PDE1C: variants seen among roughly 807,000 people sequenced by gnomAD.
The protein encoded by PDE1C is phosphodiesterase 1C, also known as dual specificity calcium/calmodulin-dependent 3',5'-cyclic nucleotide phosphodiesterase 1C.
Under a neutral mutation model 93.1 loss-of-function variants are expected in PDE1C, and 62 were observed. That is an observed-to-expected ratio of 0.67 (90% CI 0.54 to 0.82). The LOEUF is 0.82. Among genes scored for constraint, PDE1C ranks in the 40% least tolerant of loss-of-function variants. The pLI is 0.00. For missense variants in PDE1C, 742 were observed against 884.6 expected (o/e 0.84, Z 2.04); for synonymous variants, 325 against 310.1 (o/e 1.05, Z -0.50).
intron 2 of PDE1C, among the ~76,000 whole-genome samples, chr7:31,970,611 A>T (rs778564492): frequency 3.3e-5 from 5 of 152,240 alleles, no homozygotes; most frequent in Non-Finnish European, 7.3e-5. Context: ...TTGAGTAAAC[A>T]ACTTGTAAAA....
At chr7:31,755,250 A>G (rs963667838) in intron 17 of PDE1C, among the ~76,000 whole-genome samples, 2 of 152,214 alleles carry the variant, frequency 1.3e-5, no homozygotes, top group Admixed American at 6.5e-5. Context: ...ATCAATATGA[A>G]TTAATATTTA....
chr7:32,166,168 T>G (rs1275826076), intron 3 of PDE1C, among the ~76,000 whole-genome samples: 1 of 152,176 alleles, frequency 6.6e-6, no homozygotes, highest in African/African-American at 2.4e-5. Context: ...AAAATTTTAT[T>G]TGTCAATTAT....
chr7:32,163,484 A>G (rs1584884038), intron 3 of PDE1C, among the ~76,000 whole-genome samples: 1 of 152,216 alleles, frequency 6.6e-6, no homozygotes. Flanking sequence ...TGTTGGCTCA[A>G]TGCGATTCTG....
At chr7:32,274,662 T>C (rs150248300) in intron 1 of PDE1C, among the ~76,000 whole-genome samples, 10 of 152,278 alleles carry the variant, frequency 6.6e-5, no homozygotes, top group African/African-American at 2.4e-4. Flanking sequence ...CTGATGTGTG[T>C]TAGTTACACA....
At chr7:31,944,235 G>A (rs112401776) in intron 2 of PDE1C, among the ~76,000 whole-genome samples, 1 of 152,124 alleles carries the variant, frequency 6.6e-6, no homozygotes, top group South Asian at 2.1e-4. Flanking sequence ...GCTCTGTCTG[G>A]TTTTCCCTCC....
intron 17 of PDE1C, among the ~76,000 whole-genome samples, chr7:31,774,339 G>A (rs1207896843): frequency 6.6e-6 from 1 of 152,080 alleles, no homozygotes; most frequent in African/African-American, 2.4e-5. Flanking sequence ...ACCAAATGTA[G>A]ATATCATTTT....
At chr7:31,859,119 CTA>C (rs71559205) in intron 7 of PDE1C, among the ~76,000 whole-genome samples, 2 of 147,820 alleles carry the variant, frequency 1.4e-5, no homozygotes, top group South Asian at 2.1e-4. Context: ...GATGTATTGA[CTA>C]TATATATATA....
At chr7:32,182,559 T>G (rs62456298) in intron 2 of PDE1C, among the ~76,000 whole-genome samples, 30,307 of 152,144 alleles carry the variant, frequency 0.2, 3,551 homozygotes, top group Middle Eastern at 0.29. Context: ...CACATGGTTA[T>G]CTCAATAGAT....
At chr7:31,685,845 T>C in the PDE1C span, among the ~76,000 whole-genome samples, 1 of 152,166 alleles carries the variant, frequency 6.6e-6, no homozygotes, top group Non-Finnish European at 1.5e-5. Flanking sequence ...AACCCTCATC[T>C]CTTCCCAGGA....
At chr7:32,303,868 G>A (rs990199613), upstream of PDE1C, among the ~76,000 whole-genome samples, 1 of 151,938 alleles carries the variant, frequency 6.6e-6, no homozygotes, top group African/African-American at 2.4e-5. Flanking sequence ...ATAGCTAAGG[G>A]CCCCCAAAGA....
At chr7:31,852,320 G>A (rs1793446506) in intron 7 of PDE1C, among the ~76,000 whole-genome samples, 1 of 152,100 alleles carries the variant, frequency 6.6e-6, no homozygotes, top group Non-Finnish European at 1.5e-5. Flanking sequence ...GAAGCTTTCT[G>A]GCATCTTCAA....
At chr7:31,989,090 C>G (rs941038386) in intron 2 of PDE1C, among the ~76,000 whole-genome samples, 12 of 117,622 alleles carry the variant, frequency 1.0e-4, no homozygotes, top group South Asian at 8.7e-4. Context: ...GAGAAAGAAA[C>G]AAAGAAAGAA....
At chr7:32,023,822 G>A (rs1469862295) in intron 2 of PDE1C, among the ~76,000 whole-genome samples, 2 of 152,068 alleles carry the variant, frequency 1.3e-5, no homozygotes, top group Non-Finnish European at 2.9e-5. Context: ...CAGTAGAGAG[G>A]CTGTTGATTG....
intron 1 of PDE1C, among the ~76,000 whole-genome samples, chr7:32,244,904 C>A (rs993508988): frequency 1.3e-5 from 2 of 152,204 alleles, no homozygotes; most frequent in African/African-American, 4.8e-5. Context: ...GGTGAGCACA[C>A]TGCCTATCAG....
chr7:32,246,204 A>T (rs1401803337), intron 1 of PDE1C, among the ~76,000 whole-genome samples: 1 of 151,984 alleles, frequency 6.6e-6, no homozygotes, highest in Non-Finnish European at 1.5e-5. Context: ...CCTGGGCTCG[A>T]GCAATCCTCT....
intron 9 of PDE1C, among the ~76,000 whole-genome samples, chr7:31,842,310 T>C (rs2128779248): frequency 6.6e-6 from 1 of 152,278 alleles, no homozygotes; most frequent in South Asian, 2.1e-4. Flanking sequence ...TTATGTCTTA[T>C]AAAACAAATT....
Position 31,879,252 on chromosome 7 carries a change from CCT to C in PDE1C, c.243-76_243-75del, listed in dbSNP as rs1211689880. 1.1e-5 allele frequency: 16 copies of C among 1,404,584 alleles called. No homozygotes were observed. The East Asian group carries it at 3.5e-4, about 31-fold the overall frequency. The allele number at this position is 1,404,584 out of a possible 1,614,324, so 87.0% of individuals were successfully genotyped here. Reference sequence around the variant, plus strand: ...GAGCTCTCTGTTCAAAGCAGCTGCTCCTCTCTGCCTCACCTGCATGTTAGGTG... The same window carrying C: ...GAGCTCTCTGTTCAAAGCAGCTGCTCCTCTGCCTCACCTGCATGTTAGGTG... On this transcript the variant is annotated intron_variant, in intron 3 of 17. Transcript: ENST00000396191.
upstream of PDE1C, chr7:32,299,372 G>T (rs1812824558): frequency 1.0e-6 from 1 of 985,720 alleles, no homozygotes; most frequent in Non-Finnish European, 1.2e-6. Context: ...ACTGCCCCCA[G>T]CACTGGCCTG....
rs541242507 is a variant in PDE1C at position 32,421,157 on chromosome 7, A to G, written c.310+6665T>C. ...AGTAAATTACAGAAAATATAACACTAAGGATGACATAAATATGTAGGACTG... is the reference window on the plus strand; with the variant it reads ...AGTAAATTACAGAAAATATAACACTGAGGATGACATAAATATGTAGGACTG... On this transcript the variant is annotated intron_variant, in intron 1 of 1. Coordinates refer to the PDE1C transcript ENST00000672256. Among the ~76,000 whole-genome samples, 5 of 152,298 alleles carry G rather than the reference A, an allele frequency of 3.3e-5. No individual in the cohort carries two copies. In the South Asian group the frequency reaches 1.0e-3, roughly 32 times the overall value.
Sources: gnomAD v4.1 joint callset for allele counts (sites outside exome capture counted in the v4.1 genomes callset) on GRCh38, gnomAD v4.1.1 for gene constraint, MANE v1.5 for transcripts, NCBI Gene and HGNC (gene_info 2026-07-23, HGNC 2026-07-21) for gene names.